SH3GL3: variants seen among roughly 807,000 people sequenced by gnomAD.
SH3GL3 encodes the protein SH3 domain containing GRB2 like 3, endophilin A3, also known as endophilin-A3.
Under a neutral mutation model 47.7 loss-of-function variants are expected in SH3GL3, and 33 were observed. The ratio of observed to expected loss-of-function variants is 0.69; its 90% CI spans 0.52 to 0.92. The LOEUF (loss-of-function observed/expected upper bound fraction) is 0.92, where lower values mean the gene tolerates loss of function less well. Ranked by LOEUF, SH3GL3 falls within the 40% of genes least tolerant of loss-of-function variation. The pLI is 0.00. For missense variants in SH3GL3, 363 were observed against 417.8 expected, an observed-to-expected ratio of 0.87 and a Z score of 1.14; for synonymous variants, 155 against 148.8, an observed-to-expected ratio of 1.04 and a Z score of -0.30.
intron 8 of SH3GL3, among the ~76,000 whole-genome samples, chr15:83,590,097 A>G (rs1226418171): frequency 1.3e-5 from 2 of 151,954 alleles, no homozygotes; most frequent in East Asian, 1.9e-4. Context: ...TATGTCATTT[A>G]TTTGTGTTTT....
chr15:83,577,158 C>T (rs1246226965), intron 6 of SH3GL3, among the ~76,000 whole-genome samples: 1 of 152,008 alleles, frequency 6.6e-6, no homozygotes, highest in Non-Finnish European at 1.5e-5. Context: ...ATCTGCCTGC[C>T]TGGGCCTCTC....
chr15:83,465,111 A>G (rs1274520494), intron 1 of SH3GL3, among the ~76,000 whole-genome samples: 1 of 151,432 alleles, frequency 6.6e-6, no homozygotes, highest in African/African-American at 2.4e-5. Context: ...GGAGTTGGAG[A>G]CCAGCCTGGC....
At chr15:83,544,692 C>G (rs1044827635) in intron 1 of SH3GL3, among the ~76,000 whole-genome samples, 1 of 152,056 alleles carries the variant, frequency 6.6e-6, no homozygotes, top group Admixed American at 6.5e-5. Context: ...TGAAAAGCTC[C>G]CATTAGCATA....
intron 1 of SH3GL3, among the ~76,000 whole-genome samples, chr15:83,475,387 G>A (rs1293904606): frequency 6.6e-6 from 1 of 152,088 alleles, no homozygotes; most frequent in Non-Finnish European, 1.5e-5. Context: ...GCCGAGACAG[G>A]AGAATCGTTT....
intron 2 of SH3GL3, among the ~76,000 whole-genome samples, chr15:83,559,604 A>C (rs1441235959): frequency 1.3e-5 from 2 of 152,366 alleles, no homozygotes; most frequent in East Asian, 3.9e-4. Flanking sequence ...CAATCTTGGC[A>C]GTTACTGCAA....
intron 1 of SH3GL3, among the ~76,000 whole-genome samples, chr15:83,541,312 A>ATTTTTTTTTTTTTTTTTTTT (rs71156085): frequency 2.1e-5 from 1 of 47,340 alleles, no homozygotes; most frequent in Non-Finnish European, 4.1e-5. Flanking sequence ...TGGTAATTCT[A>ATTTTTTTTTTTTTTTTTTTT]TTTTTTTTTT....
chr15:83,597,931 C>T (rs2060276166), intron 8 of SH3GL3, among the ~76,000 whole-genome samples: 1 of 152,176 alleles, frequency 6.6e-6, no homozygotes, highest in African/African-American at 2.4e-5. Flanking sequence ...TTTAAAAAGT[C>T]TCCACTTAAT....
intron 8 of SH3GL3, among the ~76,000 whole-genome samples, chr15:83,599,311 A>G (rs1204357061): frequency 2.0e-5 from 3 of 152,180 alleles, no homozygotes; most frequent in Non-Finnish European, 4.4e-5. Flanking sequence ...CGAGCAGTGT[A>G]CACTGAACCC....
At chr15:83,560,852 CA>C (rs796322495) in intron 2 of SH3GL3, among the ~76,000 whole-genome samples, 1 of 151,922 alleles carries the variant, frequency 6.6e-6, no homozygotes, top group South Asian at 2.1e-4. Context: ...ATAGTAAAAT[CA>C]AAATAAAATT....
At chr15:83,550,405 T>G (rs1030033950) in intron 1 of SH3GL3, among the ~76,000 whole-genome samples, 5 of 152,290 alleles carry the variant, frequency 3.3e-5, no homozygotes, top group Non-Finnish European at 7.3e-5. Context: ...TATTTATTTT[T>G]TTTGAGATGG....
intron 8 of SH3GL3, among the ~76,000 whole-genome samples, chr15:83,596,572 C>T (rs1236192127): frequency 6.6e-6 from 1 of 152,148 alleles, no homozygotes; most frequent in Non-Finnish European, 1.5e-5. Flanking sequence ...ATTCCTCATT[C>T]GCATTGACCC....
intron 1 of SH3GL3, among the ~76,000 whole-genome samples, chr15:83,497,862 C>G (rs2042143212): frequency 1.3e-5 from 2 of 152,160 alleles, no homozygotes; most frequent in Admixed American, 1.3e-4. Flanking sequence ...GGATTTTGAC[C>G]ATCTCCTTCT....
chr15:83,588,707 G>T lies in SH3GL3; in HGVS notation c.774G>T (p.Arg258Ser). The change falls in exon 8 of 9, where the codon AGG (arginine) becomes AGT (serine). Residue 258 changes from arginine (R) to serine (S), a missense_variant. Transcript: ENST00000427482. Reference protein sequence around the residue: ...SSVPRREYKPRPVKRSSSELN... With the variant: ...SSVPRREYKPSPVKRSSSELN... The stretch of plus-strand genomic sequence containing the variant: ...TCCCCAGACGAGAATACAAGCCAAG[G>T]CCTGTGAAAAGGAGTTCTAGTGAGC... The T allele has an allele frequency of 1.2e-6, 2 of 1,613,456 alleles. No homozygotes were observed. Among genetic ancestry groups the T allele is most frequent in the Non-Finnish European group, 1.7e-6 (2 of 1,179,368 alleles).
intron 1 of SH3GL3, among the ~76,000 whole-genome samples, chr15:83,461,537 A>G (rs2040299656): frequency 2.0e-5 from 3 of 152,150 alleles, no homozygotes; most frequent in Admixed American, 2.0e-4. Flanking sequence ...CTTGTGAATA[A>G]TATTAAAATG....
chr15:83,507,539 C>A (rs552643074), intron 1 of SH3GL3, among the ~76,000 whole-genome samples: 1 of 151,732 alleles, frequency 6.6e-6, no homozygotes, highest in African/African-American at 2.4e-5. Flanking sequence ...CTCTGCCTCC[C>A]GAGTAGCTGG....
chr15:83,497,285 A>G (rs1231570815), intron 1 of SH3GL3, among the ~76,000 whole-genome samples: 2 of 151,694 alleles, frequency 1.3e-5, no homozygotes, highest in Non-Finnish European at 2.9e-5. Flanking sequence ...GCTCTCCTTT[A>G]CTGACACTTA....
chr15:83,609,469 C>A, intron 8 of SH3GL3: 1 of 371,894 alleles, frequency 2.7e-6, no homozygotes, highest in Non-Finnish European at 5.3e-6. Context: ...CTACTCAGGT[C>A]AGTAGCTTCT....
chr15:83,621,429 G>C (rs1396401397), downstream of SH3GL3, among the ~76,000 whole-genome samples: 1 of 152,120 alleles, frequency 6.6e-6, no homozygotes, highest in Non-Finnish European at 1.5e-5. Context: ...GGAAGCCTGA[G>C]GGGGGAATGG....
At chr15:83,606,843 C>G (rs1484204032) in intron 8 of SH3GL3, among the ~76,000 whole-genome samples, 2 of 152,130 alleles carry the variant, frequency 1.3e-5, no homozygotes, top group Non-Finnish European at 2.9e-5. Context: ...TAGTAGTTGT[C>G]TTTTGTGAGT....
Sources: allele counts gnomAD v4.1 joint callset (sites outside exome capture counted in the v4.1 genomes callset), GRCh38; gene constraint gnomAD v4.1.1; transcripts MANE v1.5; gene names NCBI Gene and HGNC (gene_info 2026-07-23, HGNC 2026-07-21).